SLC24A2: variants seen among roughly 807,000 people sequenced by gnomAD.
The protein encoded by SLC24A2 is sodium/potassium/calcium exchanger 2.
SLC24A2 carries 36 observed loss-of-function variants against 62.0 expected under a neutral mutation model. That is an observed-to-expected ratio of 0.58 (90% confidence interval 0.44 to 0.77). SLC24A2 has a LOEUF of 0.77. Among genes scored for constraint, SLC24A2 ranks in the 30% least tolerant of loss-of-function variants. The pLI is 0.00. For missense variants in SLC24A2, 846 were observed against 817.9 expected (o/e 1.03, Z -0.42); for synonymous variants, 358 against 294.0 (o/e 1.22, Z -2.23).
At chr9:20,184,050 G>C in the SLC24A2 span, among the ~76,000 whole-genome samples, 1 of 152,086 alleles carries the variant, frequency 6.6e-6, no homozygotes, top group Admixed American at 6.6e-5. Flanking sequence ...AATGTGTAAG[G>C]AACTCAAACT....
chr9:20,252,126 T>C, the SLC24A2 span, among the ~76,000 whole-genome samples: 3,497 of 152,248 alleles, frequency 0.023, 100 homozygotes, highest in African/African-American at 0.068. Context: ...TACAAGACAA[T>C]GTGTTCACAT....
chr9:19,847,507 T>C, the SLC24A2 span, among the ~76,000 whole-genome samples: 11 of 152,248 alleles, frequency 7.2e-5, no homozygotes, highest in African/African-American at 2.7e-4. Flanking sequence ...TATTCTCTTT[T>C]AAATGTTAAA....
chr9:19,817,699 C>A, the SLC24A2 span, among the ~76,000 whole-genome samples: 7 of 151,842 alleles, frequency 4.6e-5, no homozygotes, highest in Non-Finnish European at 7.4e-5. Flanking sequence ...TGCACCAAAT[C>A]CCTAAATGTT....
At chr9:19,756,937 G>T (rs947055878) in intron 2 of SLC24A2, among the ~76,000 whole-genome samples, 1 of 93,884 alleles carries the variant, frequency 1.1e-5, no homozygotes. Context: ...AGAGACAATG[G>T]TCTGACTCTG....
chr9:20,156,587 C>T, the SLC24A2 span, among the ~76,000 whole-genome samples: 3 of 151,698 alleles, frequency 2.0e-5, no homozygotes, highest in African/African-American at 7.3e-5. Flanking sequence ...ACCCAAGGCA[C>T]ATATGTTGCT....
chr9:19,690,195 G>A (rs141613508), intron 2 of SLC24A2, among the ~76,000 whole-genome samples: 189 of 151,904 alleles, frequency 1.2e-3, no homozygotes, highest in African/African-American at 4.2e-3. Flanking sequence ...ACACACACAC[G>A]CGCATGCATA....
At chr9:19,559,876 A>C (rs933099877) in intron 7 of SLC24A2, among the ~76,000 whole-genome samples, 23 of 152,218 alleles carry the variant, frequency 1.5e-4, no homozygotes, top group African/African-American at 5.5e-4. Flanking sequence ...GACTACAAAA[A>C]TAGAACATTA....
chr9:19,804,615 T>C, the SLC24A2 span, among the ~76,000 whole-genome samples: 1 of 152,132 alleles, frequency 6.6e-6, no homozygotes, highest in Non-Finnish European at 1.5e-5. Flanking sequence ...TCTTCCTTTG[T>C]AATGAAGATG....
intron 2 of SLC24A2, among the ~76,000 whole-genome samples, chr9:19,693,007 G>T (rs188920413): frequency 1.3e-5 from 2 of 152,212 alleles, no homozygotes; most frequent in Non-Finnish European, 2.9e-5. Flanking sequence ...ATAAAATGGG[G>T]ACATTATTGA....
At chr9:19,853,633 C>A in the SLC24A2 span, among the ~76,000 whole-genome samples, 35 of 152,258 alleles carry the variant, frequency 2.3e-4, no homozygotes, top group Non-Finnish European at 4.0e-4. Flanking sequence ...TATGTTGAAC[C>A]AGCCTTGCAT....
chr9:20,291,107 A>G, the SLC24A2 span, among the ~76,000 whole-genome samples: 1 of 152,210 alleles, frequency 6.6e-6, no homozygotes, highest in Non-Finnish European at 1.5e-5. Context: ...AAGAGCTCCA[A>G]GGAGCATACG....
chr9:19,640,488 G>A (rs574676173), intron 2 of SLC24A2, among the ~76,000 whole-genome samples: 3 of 152,216 alleles, frequency 2.0e-5, no homozygotes, highest in Non-Finnish European at 4.4e-5. Context: ...GAAAGTATAG[G>A]CGTTGATACG....
the SLC24A2 span, among the ~76,000 whole-genome samples, chr9:20,019,261 A>AAGAG: frequency 2.9e-3 from 357 of 124,436 alleles, 5 homozygotes; most frequent in African/African-American, 5.5e-3. Flanking sequence ...AAGAGAAAGA[A>AAGAG]AGAAAGAAAG....
chr9:19,783,253 G>C (rs1458872096), intron 2 of SLC24A2, among the ~76,000 whole-genome samples: 1 of 152,150 alleles, frequency 6.6e-6, no homozygotes. Context: ...ATTTGTATAA[G>C]AATATCTAAA....
intron 5 of SLC24A2, among the ~76,000 whole-genome samples, chr9:19,578,574 G>C (rs1216819946): frequency 6.6e-6 from 1 of 151,426 alleles, no homozygotes; most frequent in South Asian, 2.1e-4. Context: ...TTTCCGGCTT[G>C]TGTTCTCTAG....
At chr9:19,688,502 G>T (rs1253124034) in intron 2 of SLC24A2, among the ~76,000 whole-genome samples, 1 of 151,954 alleles carries the variant, frequency 6.6e-6, no homozygotes, top group African/African-American at 2.4e-5. Flanking sequence ...AAAGCTGTAG[G>T]AAAGTTTACT....
At chr9:20,236,204 C>A in the SLC24A2 span, among the ~76,000 whole-genome samples, 1 of 152,174 alleles carries the variant, frequency 6.6e-6, no homozygotes, top group African/African-American at 2.4e-5. Context: ...CAAAAGAGAA[C>A]ATGGAATCCC....
the SLC24A2 span, among the ~76,000 whole-genome samples, chr9:19,883,635 G>A: frequency 4.0e-5 from 6 of 150,812 alleles, no homozygotes; most frequent in South Asian, 2.1e-4. Flanking sequence ...GTGCTATCTC[G>A]GCTCACTGCA....
the SLC24A2 span, among the ~76,000 whole-genome samples, chr9:20,218,968 T>A: frequency 6.6e-6 from 1 of 152,154 alleles, no homozygotes; most frequent in Admixed American, 6.5e-5. Flanking sequence ...ATTGATGAAG[T>A]GCTGAGGGCT....
Sources: allele counts gnomAD v4.1 joint callset (sites outside exome capture counted in the v4.1 genomes callset), GRCh38; gene constraint gnomAD v4.1.1; transcripts MANE v1.5; gene names NCBI Gene and HGNC (gene_info 2026-07-23, HGNC 2026-07-21).